Variants in NSUN3 observed in about 807,000 individuals in gnomAD.
NSUN3 encodes the protein tRNA (cytosine(34)-C(5))-methyltransferase, mitochondrial.
A neutral mutation model predicts 36.8 loss-of-function variants in NSUN3; 24 were observed. The observed-to-expected ratio is 0.65, with a 90% confidence interval of 0.47 to 0.92. NSUN3 has a LOEUF of 0.92. NSUN3 is among the 40% of genes least tolerant of loss of function. The pLI is 0.00. For missense variants in NSUN3, 381 were observed against 392.8 expected, an observed-to-expected ratio of 0.97 and a Z score of 0.25; for synonymous variants, 146 against 145.2, an observed-to-expected ratio of 1.01 and a Z score of -0.04.
chr3:94,063,186 C>T, intron 1 of NSUN3, 48 bp downstream of exon 1: 2 of 1,606,846 alleles, frequency 1.2e-6, no homozygotes, highest in Non-Finnish European at 1.7e-6. Context: ...TGAGACGCTT[C>T]TGGACGCGGC....
rs2077213365 is a variant in NSUN3, at chr3:94,068,380, C to G, written c.122+3834C>G. 2.6e-5 allele frequency among the ~76,000 whole-genome samples: 4 copies of G among 152,204 alleles called. No individual in the cohort carries two copies. The South Asian group carries it at 8.3e-4, about 32-fold the overall frequency. On this transcript the variant is annotated intron_variant, in intron 2 of 5. Transcript: ENST00000314622. ...GTTGATAGAGCTATTGTGATTCTTTCAAGGTTTTATCGTCATAATTTACTA... is the reference window on the plus strand; with the variant it reads ...GTTGATAGAGCTATTGTGATTCTTTGAAGGTTTTATCGTCATAATTTACTA...
chr3:94,117,954 TC>T (rs2077447020), intron 5 of NSUN3, among the ~76,000 whole-genome samples: 1 of 152,120 alleles, frequency 6.6e-6, no homozygotes, highest in Non-Finnish European at 1.5e-5. Context: ...TAGAAGTACT[TC>T]CTCCAATGAA....
chr3:94,124,379 G>A lies in NSUN3; in HGVS notation c.744-1832G>A, dbSNP rs542106048. The stretch of plus-strand genomic sequence containing the variant: ...TGACCTCAGGTGATCCATCTGCCTC[G>A]GTCTCCCAAAGTGCTAGGATTACAG... On this transcript the variant is annotated intron_variant, in intron 5 of 5. Coordinates refer to ENST00000314622, the MANE Select transcript of NSUN3 (RefSeq NM_022072.5). 9.2e-5 allele frequency among the ~76,000 whole-genome samples: 14 copies of A among 151,566 alleles called. No homozygotes were observed. The South Asian group carries it at 1.5e-3, about 16-fold the overall frequency.
chr3:94,126,500 G>T lies in NSUN3; in HGVS notation c.*10G>T, dbSNP rs765306129. ...CACAGGAAAATGGTGACATGAATTT[G>T]TAAACTGTGTTTATGTGTTATTATA... On this transcript the variant is annotated 3_prime_UTR_variant, in exon 6 of 6. Coordinates refer to ENST00000314622, the MANE Select transcript of NSUN3 (RefSeq NM_022072.5). 6.2e-7 allele frequency: 1 copy of T among 1,601,340 alleles called. No individual in the cohort carries two copies. The highest frequency in any genetic ancestry group is 8.5e-7 in the Non-Finnish European group (1 of 1,170,354).
intron 1 of NSUN3, chr3:94,064,219 C>T (rs1470323050): frequency 3.7e-6 from 2 of 541,522 alleles, no homozygotes; most frequent in East Asian, 6.3e-5. Context: ...CTGTTTTAAC[C>T]TTTGCTTCAC....
chr3:94,103,534 TGTAGA>T (rs2077374226), intron 5 of NSUN3, among the ~76,000 whole-genome samples: 1 of 151,636 alleles, frequency 6.6e-6, no homozygotes, highest in African/African-American at 2.4e-5. Flanking sequence ...TGCTATAGTA[TGTAGA>T]GTAATTTATA....
At chr3:94,086,509 T>C (rs1340975277) in intron 3 of NSUN3, among the ~76,000 whole-genome samples, 1 of 152,256 alleles carries the variant, frequency 6.6e-6, no homozygotes, top group East Asian at 1.9e-4. Flanking sequence ...CCCCAAGGCA[T>C]GTATGTTCCA....
intron 2 of NSUN3, chr3:94,081,752 T>A (rs2077269928): frequency 6.6e-6 from 1 of 152,034 alleles, no homozygotes; most frequent in Non-Finnish European, 1.5e-5. Flanking sequence ...GGAAAGAAAA[T>A]GTGAATAAAT....
intron 5 of NSUN3, among the ~76,000 whole-genome samples, chr3:94,105,743 A>G (rs1452496823): frequency 2.6e-5 from 4 of 152,072 alleles, no homozygotes; most frequent in African/African-American, 9.7e-5. Context: ...CTTAACACAC[A>G]CACATACACA....
At position 94,129,405 on chromosome 3, in the gene NSUN3, AC is replaced by A. The variant is rs1274268669; in HGVS notation, c.*2916del. On this transcript the variant is annotated 3_prime_UTR_variant, in exon 6 of 6. Coordinates refer to ENST00000314622, the MANE Select transcript of NSUN3 (RefSeq NM_022072.5). ...TCCTAAGCAAATTCAGGAACAGAAA[AC>A]TAAATACATATTCTCACTTACAAAT... 6.6e-6 allele frequency among the ~76,000 whole-genome samples: 1 copy of A among 152,172 alleles called. No homozygotes were observed. The highest frequency in any genetic ancestry group is 2.4e-5 in the African/African-American group (1 of 41,432).
At chr3:94,074,882 T>C (rs1317909257) in intron 2 of NSUN3, among the ~76,000 whole-genome samples, 1 of 152,126 alleles carries the variant, frequency 6.6e-6, no homozygotes, top group Non-Finnish European at 1.5e-5. Flanking sequence ...TGTCTTGTGC[T>C]GGTTTTCAGA....
chr3:94,116,824 T>C (rs2077441819), intron 5 of NSUN3, among the ~76,000 whole-genome samples: 1 of 152,080 alleles, frequency 6.6e-6, no homozygotes. Flanking sequence ...TGGTCTAACC[T>C]CCTTTCTACA....
chr3:94,119,827 A>G (rs1399324340), intron 5 of NSUN3, among the ~76,000 whole-genome samples: 1 of 152,286 alleles, frequency 6.6e-6, no homozygotes, highest in African/African-American at 2.4e-5. Context: ...TTTGACAGGA[A>G]TCCCTAACAT....
intron 2 of NSUN3, among the ~76,000 whole-genome samples, chr3:94,078,374 G>T (rs2077255011): frequency 6.6e-6 from 1 of 152,194 alleles, no homozygotes; most frequent in African/African-American, 2.4e-5. Context: ...GTCAGTTTTA[G>T]AATAAGTGTG....
chr3:94,080,005 G>A (rs2077261203), intron 2 of NSUN3, among the ~76,000 whole-genome samples: 1 of 152,072 alleles, frequency 6.6e-6, no homozygotes, highest in African/African-American at 2.4e-5. Context: ...GAGGAGAAGA[G>A]GCATTCTGGT....
intron 5 of NSUN3, among the ~76,000 whole-genome samples, chr3:94,107,580 C>T (rs2077395371): frequency 6.6e-6 from 1 of 152,064 alleles, no homozygotes; most frequent in Non-Finnish European, 1.5e-5. Flanking sequence ...AGCCACCATG[C>T]CCGGCTAATT....
intron 5 of NSUN3, among the ~76,000 whole-genome samples, chr3:94,113,934 G>A (rs1165290044): frequency 3.3e-5 from 5 of 152,134 alleles, no homozygotes; most frequent in Non-Finnish European, 7.4e-5. Flanking sequence ...GTGATGAAAA[G>A]TTTCAAATTA....
chr3:94,096,092 CA>C (rs1312221103), intron 5 of NSUN3, among the ~76,000 whole-genome samples: 1 of 151,976 alleles, frequency 6.6e-6, no homozygotes, highest in African/African-American at 2.4e-5. Flanking sequence ...ATTTAAAATA[CA>C]ATTAAATGGT....
intron 2 of NSUN3, among the ~76,000 whole-genome samples, chr3:94,068,441 G>A (rs1331205690): frequency 6.6e-6 from 1 of 152,132 alleles, no homozygotes; most frequent in African/African-American, 2.4e-5. Flanking sequence ...GGAGGGTTTT[G>A]AAGAACCAAT....
Sources: gnomAD v4.1 joint callset for allele counts (sites outside exome capture counted in the v4.1 genomes callset) on GRCh38, gnomAD v4.1.1 for gene constraint, MANE v1.5 for transcripts, NCBI Gene and HGNC (gene_info 2026-07-23, HGNC 2026-07-21) for gene names.